Variants in HCN3 observed in about 807,000 individuals in gnomAD.
HCN3 encodes the protein hyperpolarization activated cyclic nucleotide gated potassium channel 3, also known as potassium/sodium hyperpolarization-activated cyclic nucleotide-gated channel 3.
HCN3 carries 36 observed loss-of-function variants against 56.8 expected under a neutral mutation model. The observed-to-expected ratio is 0.63, with a 90% CI of 0.49 to 0.84. The LOEUF is 0.84. Among genes scored for constraint, HCN3 ranks in the 40% least tolerant of loss-of-function variants. The pLI is 0.00. For missense variants in HCN3, 930 were observed against 1,079.3 expected (o/e 0.86, Z 1.94); for synonymous variants, 425 against 439.7 (o/e 0.97, Z 0.42).
chr1:155,282,894 G>T lies in HCN3; in HGVS notation c.708+54G>T, dbSNP rs144875017. The T allele has an allele frequency of 1.8e-3, 2,638 of 1,432,522 alleles. 11 individuals are homozygous for T. Among genetic ancestry groups the T allele is most frequent in the Non-Finnish European group, 2.1e-3 (2,224 of 1,059,274 alleles). 88.7% of individuals were successfully genotyped at this position (1,432,522 alleles called of 1,614,324 possible). ...GTGGGTGGGGGATGTTGGGGGAGAAGGGGGCGGGGCGGCTGGTGGACTTCT... is the reference window on the plus strand; with the variant it reads ...GTGGGTGGGGGATGTTGGGGGAGAATGGGGCGGGGCGGCTGGTGGACTTCT... On this transcript the variant is annotated intron_variant, in intron 2 of 7. Transcript: ENST00000368358. This position sits in a 1 kb window ranked among gnomAD's most constrained non-coding sequence, Gnocchi z 4.7.
At chr1:155,287,591 G>A (rs745418806) in intron 7 of HCN3, among the ~76,000 whole-genome samples, 190 bp from the exon 8 acceptor site, 2 of 151,256 alleles carry the variant, frequency 1.3e-5, no homozygotes, top group African/African-American at 2.4e-5. Context: ...CCTGACCCTC[G>A]CTGTCTCTGA....
At position 155,285,104 on chromosome 1, in the gene HCN3, T is replaced by C. The variant is rs1344299060; in HGVS notation, c.1090-61T>C. ...CTGACCTTCCGCACACACACCCCAC[T>C]GTGCCGGCCCCAAATCTCTCCCTCT... On this transcript the variant is annotated intron_variant, in intron 4 of 7. Transcript: ENST00000368358. The surrounding 1 kb of genome is among the most constrained non-coding windows in gnomAD (Gnocchi z 4.5). 2 of 1,586,516 alleles carry C rather than the reference T, an allele frequency of 1.3e-6. No individual in the cohort carries two copies. Among genetic ancestry groups the C allele is most frequent in the African/African-American group, 1.3e-5 (1 of 74,436 alleles).
chr1:155,284,587 A>G lies in HCN3; in HGVS notation c.919A>G (p.Ser307Gly), dbSNP rs1446074311. The change falls in exon 4 of 8, where the codon AGC (serine) becomes GGC (glycine). Residue 307 changes from serine (S) to glycine (G), a missense_variant. Ser to Gly is a moderately conservative substitution (Grantham distance 56, BLOSUM62 0). Transcript: ENST00000368358. This position sits in a 1 kb window ranked among gnomAD's most constrained non-coding sequence, Gnocchi z 4.3. ...QYSHALFKAM[S>G]HMLCIGYGQQ... ...TTCCCATGCCCTGTTCAAGGCCATG[A>G]GCCACATGCTGTGCATTGGCTATGG... The G allele has an allele frequency of 6.2e-7, 1 of 1,613,584 alleles. No individual in the cohort carries two copies. The highest frequency in any genetic ancestry group is 8.5e-7 in the Non-Finnish European group (1 of 1,180,052).
chr1:155,281,069 A>ATT (rs1195938967), intron 1 of HCN3, among the ~76,000 whole-genome samples: 27 of 112,488 alleles, frequency 2.4e-4, no homozygotes, highest in East Asian at 5.2e-4. Context: ...CTAATTTTTA[A>ATT]TTTTTTTTTT....
In HCN3 at chr1:155,287,282, C is replaced by T. The variant is rs1213247422; in HGVS notation, c.1587C>T (p.Phe529=). Residue 529 remains phenylalanine (F), a synonymous_variant, in exon 7 of 8, where the codon TTC becomes TTT. Transcript: ENST00000368358. ...ATTTCAATGCTGTGCTTGAGGAGTT[C>T]CCCATGATGCGCCGGGCCTTTGAGA... ...VDHFNAVLEE[F]PMMRRAFETV... 6.2e-7 allele frequency: 1 copy of T among 1,613,900 alleles called. No individual in the cohort carries two copies. Among genetic ancestry groups the T allele is most frequent in the Non-Finnish European group, 8.5e-7 (1 of 1,179,950 alleles).
At chr1:155,279,405 G>A (rs1298788810) in intron 1 of HCN3, among the ~76,000 whole-genome samples, 1 of 152,206 alleles carries the variant, frequency 6.6e-6, no homozygotes, top group Non-Finnish European at 1.5e-5. Context: ...AGGGAGGCCA[G>A]AGGAGGAAAG....
intron 6 of HCN3, among the ~76,000 whole-genome samples, chr1:155,286,306 T>C (rs1275085207): frequency 2.0e-5 from 3 of 152,030 alleles, no homozygotes; most frequent in East Asian, 3.8e-4. Flanking sequence ...CCACCACGCC[T>C]GGCTAATTTT....
In HCN3 at chr1:155,284,814, C is replaced by A. The variant is rs1674211119; in HGVS notation, c.1089+57C>A. 1.3e-6 allele frequency: 2 copies of A among 1,485,802 alleles called. No individual in the cohort carries two copies. The highest frequency in any genetic ancestry group is 4.8e-5 in the East Asian group (2 of 41,908). 92.0% of individuals were successfully genotyped at this position (1,485,802 alleles called of 1,614,324 possible). ...TGGAGGGGTGTTGGAGACTGGGTAG[C>A]CTGACTTGAGGCCCATTCTGATGTG... On this transcript the variant is annotated intron_variant, in intron 4 of 7. Coordinates refer to ENST00000368358, the MANE Select transcript of HCN3 (RefSeq NM_020897.3). This position sits in a 1 kb window ranked among gnomAD's most constrained non-coding sequence, Gnocchi z 4.3.
chr1:155,278,782 CTGT>C (rs992059021), intron 1 of HCN3, among the ~76,000 whole-genome samples: 4 of 152,314 alleles, frequency 2.6e-5, no homozygotes, highest in African/African-American at 7.2e-5. Flanking sequence ...CCTTTCACTC[CTGT>C]CTTTGCTGCC....
At position 155,285,666 on chromosome 1, in the gene HCN3, G is replaced by T; in HGVS notation, c.1237-58G>T. The T allele has an allele frequency of 1.9e-6, 3 of 1,599,144 alleles. No individual in the cohort carries two copies. The South Asian group carries it at 3.4e-5, about 18-fold the overall frequency. ...GGGGTTTCTGGAAGCGGATGAGCTC[G>T]GTGGGATCATCTCAGGTCAGGGGCA... On this transcript the variant is annotated intron_variant, in intron 5 of 7. Transcript: ENST00000368358. This position sits in a 1 kb window ranked among gnomAD's most constrained non-coding sequence, Gnocchi z 4.5.
intron 7 of HCN3, 50 bp downstream of exon 7, chr1:155,287,387 C>G: frequency 6.2e-7 from 1 of 1,600,578 alleles, no homozygotes; most frequent in Non-Finnish European, 8.5e-7. Context: ...TGCTCTCACC[C>G]CACCTCCAAA....
chr1:155,284,773 A>G lies in HCN3; in HGVS notation c.1089+16A>G. On this transcript the variant is annotated intron_variant, in intron 4 of 7. Transcript: ENST00000368358. This position sits in a 1 kb window ranked among gnomAD's most constrained non-coding sequence, Gnocchi z 4.3. ...CCAGGAGAAGGTCAGCAGGGACAGG[A>G]GAGGGAGGTGTGGCATGGAGGGGTG... 3 of 1,603,012 alleles carry G rather than the reference A, an allele frequency of 1.9e-6. No homozygotes were observed. The highest frequency in any genetic ancestry group is 2.6e-6 in the Non-Finnish European group (3 of 1,173,008).
chr1:155,282,689 T>A lies in HCN3; in HGVS notation c.557T>A (p.Ile186Asn). ...DLISSIPVDYIFLVVELEPRL... is the reference protein window; with the variant it reads ...DLISSIPVDYNFLVVELEPRL... Reference sequence around the variant, plus strand: ...ATCTCTTCTATCCCTGTGGATTACATCTTCCTAGTGGTGGAGCTGGAGCCA... The same window carrying A: ...ATCTCTTCTATCCCTGTGGATTACAACTTCCTAGTGGTGGAGCTGGAGCCA... Residue 186 changes from isoleucine (I) to asparagine (N), a missense_variant, in exon 2 of 8, where the codon ATC becomes AAC. Transcript: ENST00000368358. The surrounding 1 kb of genome is among the most constrained non-coding windows in gnomAD (Gnocchi z 4.7). 6.2e-7 allele frequency: 1 copy of A among 1,614,218 alleles called. No homozygotes were observed. The highest frequency in any genetic ancestry group is 8.5e-7 in the Non-Finnish European group (1 of 1,180,040).
chr1:155,277,827 G>T lies in HCN3; in HGVS notation c.237G>T (p.Lys79Asn). Reference protein sequence around the residue: ...KAVEIEQERVKSAGAWIIHPY... With the variant: ...KAVEIEQERVNSAGAWIIHPY... ...TGGAAATCGAGCAGGAGCGGGTGAA[G>T]TCAGCGGGGGCCTGGATCATCCACC... Residue 79 changes from lysine to asparagine, a missense_variant, in exon 1 of 8, where the codon AAG (lysine) becomes AAT (asparagine). Transcript: ENST00000368358. 1 of 1,612,366 alleles carries T rather than the reference G, an allele frequency of 6.2e-7. No homozygotes were observed. The highest frequency in any genetic ancestry group is 8.5e-7 in the Non-Finnish European group (1 of 1,179,962).
At position 155,284,991 on chromosome 1, in the gene HCN3, C is replaced by T. The variant is rs755376721; in HGVS notation, c.1090-174C>T. 2.2e-4 allele frequency among the ~76,000 whole-genome samples: 34 copies of T among 152,212 alleles called. No individual in the cohort carries two copies. Among genetic ancestry groups the T allele is most frequent in the South Asian group, 4.1e-4 (2 of 4,836 alleles). The stretch of plus-strand genomic sequence containing the variant: ...CCTATGACTGTGCTCTGTGTCTTCC[C>T]GGTATCCATCATTATCCGTATTCCT... On this transcript the variant is annotated intron_variant, in intron 4 of 7. Transcript: ENST00000368358. The surrounding 1 kb of genome is among the most constrained non-coding windows in gnomAD (Gnocchi z 4.3).
At position 155,282,984 on chromosome 1, in the gene HCN3, CCGTG is replaced by C. The variant is rs1180886097; in HGVS notation, c.708+149_708+152del. 1.2e-5 allele frequency: 10 copies of C among 828,546 alleles called. No individual in the cohort carries two copies. The highest frequency in any genetic ancestry group is 2.6e-5 in the Admixed American group (1 of 37,754). The allele number at this position is 828,546 out of a possible 1,614,324, so 51.3% of individuals were successfully genotyped here. On this transcript the variant is annotated intron_variant, in intron 2 of 7. Coordinates refer to ENST00000368358, the MANE Select transcript of HCN3 (RefSeq NM_020897.3). The surrounding 1 kb of genome is among the most constrained non-coding windows in gnomAD (Gnocchi z 4.7). ...AGTGTGGGGAAGATGGGTGGGGCTT[CCGTG>C]CGTGAGCTCTCTCCAAAACTGGTGG...
Position 155,289,358 on chromosome 1 carries a change from C to T in HCN3, c.*895C>T, listed in dbSNP as rs1225523901. 6.6e-6 allele frequency: 1 copy of T among 151,982 alleles called. No individual in the cohort carries two copies. The highest frequency in any genetic ancestry group is 2.4e-5 in the African/African-American group (1 of 41,346). The allele number at this position is 151,982 out of a possible 1,614,324, so 9.4% of individuals were successfully genotyped here. A position where few individuals can be genotyped will look rare whatever the true frequency, so the allele number is the denominator to read the frequency against. On this transcript the variant is annotated 3_prime_UTR_variant, in exon 8 of 8. Transcript: ENST00000368358. ...GTGTTACCAATTAATTTTGTTTACC[C>T]ATTCCTTTATCCATCCCTCCCCTCC...
Position 155,282,349 on chromosome 1 carries a change from G to A in HCN3, c.279-62G>A. Reference sequence around the variant, plus strand: ...TCTTGGCCATGTCAGCCTATCTTCTGTCAGTCTAGTGGCTGGTGAAATATC... The same window carrying A: ...TCTTGGCCATGTCAGCCTATCTTCTATCAGTCTAGTGGCTGGTGAAATATC... On this transcript the variant is annotated intron_variant, in intron 1 of 7. Coordinates refer to ENST00000368358, the MANE Select transcript of HCN3 (RefSeq NM_020897.3). This position sits in a 1 kb window ranked among gnomAD's most constrained non-coding sequence, Gnocchi z 4.7. 6.7e-7 allele frequency: 1 copy of A among 1,502,822 alleles called. No individual in the cohort carries two copies. The highest frequency in any genetic ancestry group is 9.2e-7 in the Non-Finnish European group (1 of 1,088,552). 93.1% of individuals were successfully genotyped at this position (1,502,822 alleles called of 1,614,324 possible). A position where few individuals can be genotyped will look rare whatever the true frequency, so the allele number is the denominator to read the frequency against.
In HCN3 at chr1:155,288,072, C is replaced by T. The variant is rs1381613043; in HGVS notation, c.1934C>T (p.Ser645Phe). 6.2e-7 allele frequency: 1 copy of T among 1,612,792 alleles called. No homozygotes were observed. Among genetic ancestry groups the T allele is most frequent in the Non-Finnish European group, 8.5e-7 (1 of 1,179,716 alleles). ...PDSPATLLAR[S>F]AWRSAGSPAS... is the part of the protein sequence containing the mutation. ...TCTCCAGCCACCCTCCTTGCTCGCT[C>T]TGCTTGGCGCTCAGCAGGCTCTCCA... The change falls in exon 8 of 8, where the codon TCT becomes TTT. Residue 645 changes from serine to phenylalanine, a missense_variant. Coordinates refer to ENST00000368358, the MANE Select transcript of HCN3 (RefSeq NM_020897.3). This position sits in a 1 kb window ranked among gnomAD's most constrained non-coding sequence, Gnocchi z 6.5.
Sources: gnomAD v4.1 joint callset for allele counts (sites outside exome capture counted in the v4.1 genomes callset) on GRCh38, gnomAD v4.1.1 for gene constraint, Gnocchi (gnomAD v3.1) non-coding constraint, MANE v1.5 for transcripts, NCBI Gene and HGNC (gene_info 2026-07-23, HGNC 2026-07-21) for gene names.